The following GRIA1 variants were observed in gnomAD, a reference collection of about 807,000 sequenced individuals.
The protein encoded by GRIA1 is glutamate receptor 1.
A neutral mutation model predicts 99.2 loss-of-function variants in GRIA1; 31 were observed. The observed-to-expected ratio is 0.31, with a 90% CI of 0.23 to 0.42. The LOEUF is 0.42. GRIA1 is among the 10% of genes least tolerant of loss of function. The pLI is 1.00. For synonymous variants in GRIA1, 438 were observed against 432.4 expected (o/e 1.01, Z -0.16); for missense variants, 782 against 1,157.5 (o/e 0.68, Z 4.71).
chr5:153,585,097 C>A (rs1763355434), intron 2 of GRIA1, among the ~76,000 whole-genome samples: 2 of 152,074 alleles, frequency 1.3e-5, no homozygotes, highest in South Asian at 4.1e-4. Context: ...ATTTACTGAG[C>A]ACTTCTTAGG....
chr5:153,613,906 C>T (rs552378223), intron 2 of GRIA1, among the ~76,000 whole-genome samples: 15 of 152,294 alleles, frequency 9.8e-5, no homozygotes, highest in African/African-American at 3.6e-4. Flanking sequence ...CCCTTGCACG[C>T]CCTGGACCCT....
chr5:153,550,898 G>T (rs1250664288), intron 2 of GRIA1, among the ~76,000 whole-genome samples: 1 of 152,070 alleles, frequency 6.6e-6, no homozygotes, highest in Admixed American at 6.6e-5. Context: ...TTATGATGAT[G>T]ATTATTATAC....
At chr5:153,573,813 T>C (rs1221025635) in intron 2 of GRIA1, among the ~76,000 whole-genome samples, 1 of 152,208 alleles carries the variant, frequency 6.6e-6, no homozygotes, top group African/African-American at 2.4e-5. Flanking sequence ...TCTTACTGTG[T>C]GGCTGCATGC....
chr5:153,633,560 G>A (rs1015378039), intron 2 of GRIA1, among the ~76,000 whole-genome samples: 4 of 152,186 alleles, frequency 2.6e-5, no homozygotes, highest in African/African-American at 9.7e-5. Flanking sequence ...TGTCCAGGAG[G>A]CCTGAGTTTT....
intron 1 of GRIA1, among the ~76,000 whole-genome samples, chr5:153,493,087 G>GGTAA (rs1394990163): frequency 6.6e-6 from 1 of 152,288 alleles, no homozygotes; most frequent in Non-Finnish European, 1.5e-5. Context: ...TAAATACAAA[G>GGTAA]GTAAGCCATG....
chr5:153,683,026 G>A (rs906830062), intron 7 of GRIA1, among the ~76,000 whole-genome samples: 1 of 152,162 alleles, frequency 6.6e-6, no homozygotes, highest in African/African-American at 2.4e-5. Context: ...CCAGGATGGC[G>A]ACAGAAGTTC....
At chr5:153,604,074 A>G (rs1044561511) in intron 2 of GRIA1, among the ~76,000 whole-genome samples, 2 of 152,148 alleles carry the variant, frequency 1.3e-5, no homozygotes, top group Non-Finnish European at 2.9e-5. Flanking sequence ...TAATGTTACT[A>G]TCATACACAG....
chr5:153,811,145 C>G lies in GRIA1; in HGVS notation c.2641C>G (p.His881Asp), dbSNP rs1429128843. The G allele has an allele frequency of 1.2e-6, 2 of 1,613,992 alleles. No homozygotes were observed. Among genetic ancestry groups the G allele is most frequent in the South Asian group, 2.2e-5 (2 of 91,078 alleles). ...TGGAGAGAATGGTCGGGTGGTCAGC[C>G]ATGACTTCCCCAAGTCCATGCAATC... The part of the protein sequence containing the change: ...GSGENGRVVS[H>D]DFPKSMQSIP... Residue 881 changes from histidine (H) to aspartate (D), a missense_variant, in exon 16 of 16, where the codon CAT becomes GAT. This residue lies in a region of GRIA1 where 76 missense variants were observed against 81.2 expected (regional missense o/e 0.94). Coordinates refer to ENST00000285900, the MANE Select transcript of GRIA1 (RefSeq NM_000827.4).
At chr5:153,619,856 G>T (rs929241477) in intron 2 of GRIA1, among the ~76,000 whole-genome samples, 5 of 152,226 alleles carry the variant, frequency 3.3e-5, no homozygotes, top group Non-Finnish European at 7.4e-5. Flanking sequence ...CTCAAGTGTT[G>T]TTGCTGCCTC....
rs193003644 is a variant in GRIA1, at chr5:153,624,410, A to G, written c.221-22518A>G. On this transcript the variant is annotated intron_variant, in intron 2 of 15. Coordinates refer to ENST00000285900, the MANE Select transcript of GRIA1 (RefSeq NM_000827.4). ...CGCCCAAGGGCTGTGCCTGCTTGTCATGCTTCTCTATCACCCCACCCACCT... is the reference window on the plus strand; with the variant it reads ...CGCCCAAGGGCTGTGCCTGCTTGTCGTGCTTCTCTATCACCCCACCCACCT... 3.0e-4 allele frequency among the ~76,000 whole-genome samples: 45 copies of G among 152,262 alleles called. No homozygotes were observed. The East Asian group carries it at 7.9e-3, about 27-fold the overall frequency.
At chr5:153,792,239 C>G (rs893247346) in intron 13 of GRIA1, among the ~76,000 whole-genome samples, 1 of 152,180 alleles carries the variant, frequency 6.6e-6, no homozygotes, top group Admixed American at 6.5e-5. Flanking sequence ...ATAAATTCCT[C>G]GTACCTCACC....
chr5:153,705,953 T>A lies in GRIA1; in HGVS notation c.1709T>A (p.Phe570Tyr). 2 of 1,614,038 alleles carry A rather than the reference T, an allele frequency of 1.2e-6. No individual in the cohort carries two copies. The highest frequency in any genetic ancestry group is 2.2e-5 in the South Asian group (2 of 91,072). ...FSPYEWHSEE[F>Y]EEGRDQTTSD... The stretch of plus-strand genomic sequence containing the variant: ...CCCTATGAATGGCACAGTGAAGAGT[T>A]TGAGGAAGGACGGGACCAGACAACC... Residue 570 changes from phenylalanine (F) to tyrosine (Y), a missense_variant, in exon 11 of 16, where the codon TTT (phenylalanine) becomes TAT (tyrosine). Phe to Tyr is a conservative substitution (Grantham distance 22). Coordinates refer to ENST00000285900, the MANE Select transcript of GRIA1 (RefSeq NM_000827.4).
At chr5:153,750,592 A>C (rs1247346790) in intron 11 of GRIA1, among the ~76,000 whole-genome samples, 1 of 152,078 alleles carries the variant, frequency 6.6e-6, no homozygotes, top group South Asian at 2.1e-4. Context: ...ACAGGCCCCA[A>C]GTGTCTGCTT....
intron 2 of GRIA1, among the ~76,000 whole-genome samples, chr5:153,505,510 T>A (rs879771329): frequency 6.6e-6 from 1 of 152,190 alleles, no homozygotes. Flanking sequence ...ATACAGTAAG[T>A]AGAAGTGTCC....
chr5:153,640,310 C>A (rs1561717774), intron 2 of GRIA1, among the ~76,000 whole-genome samples: 1 of 152,232 alleles, frequency 6.6e-6, no homozygotes, highest in Non-Finnish European at 1.5e-5. Flanking sequence ...TCCAACTGGG[C>A]ATCAGGGCCT....
chr5:153,622,542 G>A (rs1344277988), intron 2 of GRIA1, among the ~76,000 whole-genome samples: 4 of 152,110 alleles, frequency 2.6e-5, no homozygotes, highest in African/African-American at 9.7e-5. Flanking sequence ...GGATACCTTT[G>A]CCATGCCTGG....
intron 2 of GRIA1, among the ~76,000 whole-genome samples, chr5:153,503,950 G>T (rs925572751): frequency 1.8e-4 from 27 of 152,160 alleles, no homozygotes; most frequent in African/African-American, 6.5e-4. Context: ...CTCAGGCATA[G>T]ATATGTCATA....
At chr5:153,631,628 T>A (rs1343143057) in intron 2 of GRIA1, among the ~76,000 whole-genome samples, 4 of 152,170 alleles carry the variant, frequency 2.6e-5, no homozygotes, top group Non-Finnish European at 5.9e-5. Context: ...CTTATATTTA[T>A]TTTATAAGTG....
Position 153,530,119 on chromosome 5 carries a change from A to G in GRIA1, c.220+36054A>G, listed in dbSNP as rs533822432. Among the ~76,000 whole-genome samples the G allele has an allele frequency of 9.2e-5, 14 of 152,354 alleles. No homozygotes were observed. In the East Asian group the frequency reaches 2.5e-3, roughly 27 times the overall value. ...TGCGGATGGTCTCATGTGTTCCATC[A>G]GCCCATTCTTACAGAAGTTCTGGTA... On this transcript the variant is annotated intron_variant, in intron 2 of 15. Transcript: ENST00000285900.
Sources: gnomAD v4.1 joint callset for allele counts (sites outside exome capture counted in the v4.1 genomes callset) on GRCh38, gnomAD v4.1.1 for gene constraint, gnomAD v4.1.1 regional missense constraint, MANE v1.5 for transcripts, NCBI Gene and HGNC (gene_info 2026-07-23, HGNC 2026-07-21) for gene names.